TATDN1: variants seen among roughly 807,000 people sequenced by gnomAD.
The protein encoded by TATDN1 is TatD DNase domain containing 1, also known as deoxyribonuclease TATDN1.
In TATDN1, 40 loss-of-function variants were observed where a neutral mutation model predicts 46.4. That is an observed-to-expected ratio of 0.86 (90% confidence interval 0.67 to 1.12). TATDN1 has a LOEUF of 1.12. Among genes scored for constraint, TATDN1 ranks in the 50% most tolerant of loss-of-function variants. The probability of loss-of-function intolerance (pLI) is 0.00; values close to 1 mark genes in which losing one functional copy is unlikely to be tolerated. For missense variants in TATDN1, 326 were observed against 348.4 expected (o/e 0.94, Z 0.51); for synonymous variants, 95 against 105.6 (o/e 0.90, Z 0.62).
intron 6 of TATDN1, among the ~76,000 whole-genome samples, chr8:124,514,481 T>A (rs1344384424): frequency 6.6e-6 from 1 of 152,190 alleles, no homozygotes; most frequent in Non-Finnish European, 1.5e-5. Context: ...AGAGGATTGT[T>A]TATTCTTAAA....
At chr8:124,532,010 A>G (rs1316377236) in intron 1 of TATDN1, among the ~76,000 whole-genome samples, 1 of 151,894 alleles carries the variant, frequency 6.6e-6, no homozygotes, top group Non-Finnish European at 1.5e-5. Flanking sequence ...AGACTCCAAG[A>G]CTGTCTTTTG....
chr8:124,519,274 T>A (rs1819826957), intron 3 of TATDN1, among the ~76,000 whole-genome samples: 1 of 152,178 alleles, frequency 6.6e-6, no homozygotes, highest in African/African-American at 2.4e-5. Flanking sequence ...TAACTCCCAG[T>A]AGGTATGTGA....
At chr8:124,507,545 G>GT (rs1445248000) in intron 8 of TATDN1, among the ~76,000 whole-genome samples, 13 of 152,164 alleles carry the variant, frequency 8.5e-5, no homozygotes, top group African/African-American at 2.7e-4. Context: ...ACTTTGGGAA[G>GT]CCAGGGTGGG....
At chr8:124,503,581 T>C (rs1818159012) in intron 9 of TATDN1, among the ~76,000 whole-genome samples, 1 of 152,194 alleles carries the variant, frequency 6.6e-6, no homozygotes, top group Non-Finnish European at 1.5e-5. Flanking sequence ...ATTGGAAACA[T>C]AATAATTTTA....
intron 11 of TATDN1, among the ~76,000 whole-genome samples, chr8:124,490,879 T>C (rs1157748077): frequency 6.6e-6 from 1 of 151,994 alleles, no homozygotes. Flanking sequence ...GCCTCTCAGA[T>C]TCAAGTGATT....
chr8:124,504,463 G>C, intron 8 of TATDN1, 116 bp from the exon 9 acceptor site: 1 of 516,798 alleles, frequency 1.9e-6, no homozygotes, highest in South Asian at 5.7e-5. Context: ...TTGGACCTCA[G>C]GGTTTCAAAG....
intron 9 of TATDN1, among the ~76,000 whole-genome samples, chr8:124,497,872 T>C (rs1313055809): frequency 1.3e-5 from 2 of 152,082 alleles, no homozygotes; most frequent in African/African-American, 4.8e-5. Flanking sequence ...CTCAAATATA[T>C]GTAGTTTGTA....
At chr8:124,523,046 T>G (rs1454295434) in intron 1 of TATDN1, 44 bp from the exon 2 acceptor site, 1 of 1,534,488 alleles carries the variant, frequency 6.5e-7, no homozygotes, top group South Asian at 1.1e-5. Flanking sequence ...AGTCTCTACA[T>G]GAAACTTGTA....
At chr8:124,518,956 C>T in intron 3 of TATDN1, 75 bp from the exon 4 acceptor site, 2 of 930,220 alleles carry the variant, frequency 2.2e-6, no homozygotes, top group Non-Finnish European at 3.5e-6. Context: ...TGCCTTCCTA[C>T]CACTTCCTTA....
At chr8:124,507,864 G>C (rs573191973) in intron 8 of TATDN1, among the ~76,000 whole-genome samples, 5 of 151,276 alleles carry the variant, frequency 3.3e-5, no homozygotes, top group Admixed American at 1.3e-4. Context: ...AATTCTGTAC[G>C]CATTCTTGTA....
intron 1 of TATDN1, chr8:124,538,581 A>G (rs1279874482): frequency 9.1e-6 from 2 of 219,482 alleles, no homozygotes; most frequent in Non-Finnish European, 1.9e-5. Flanking sequence ...GGCCAGTGCC[A>G]GGCCCACTTG....
intron 8 of TATDN1, among the ~76,000 whole-genome samples, chr8:124,507,732 T>C (rs1056576371): frequency 1.3e-5 from 2 of 151,430 alleles, no homozygotes; most frequent in African/African-American, 4.9e-5. Context: ...GAGCTGAGAT[T>C]GTGCCACTGC....
intron 3 of TATDN1, among the ~76,000 whole-genome samples, chr8:124,519,440 AG>A (rs1279913541): frequency 2.0e-5 from 3 of 152,258 alleles, no homozygotes; most frequent in African/African-American, 7.2e-5. Context: ...GCAGGCTTCT[AG>A]TAACACAGTC....
chr8:124,534,041 G>C (rs921790134), intron 1 of TATDN1, among the ~76,000 whole-genome samples: 54 of 150,786 alleles, frequency 3.6e-4, no homozygotes, highest in African/African-American at 1.2e-3. Context: ...AGCTACTCGG[G>C]AGGCTGAGGC....
At chr8:124,516,649 T>C (rs998807285) in intron 4 of TATDN1, among the ~76,000 whole-genome samples, 3 of 150,266 alleles carry the variant, frequency 2.0e-5, no homozygotes, top group African/African-American at 7.4e-5. Context: ...GTGACTATCT[T>C]GATTGGTATA....
chr8:124,524,870 A>AG (rs918495453), intron 1 of TATDN1, among the ~76,000 whole-genome samples: 21 of 152,282 alleles, frequency 1.4e-4, no homozygotes, highest in Admixed American at 1.2e-3. Flanking sequence ...AAGGCAGGCC[A>AG]GAGTGTCAGG....
In TATDN1 at chr8:124,504,358, A is replaced by G; in HGVS notation, c.517-11T>C. 1 of 1,562,550 alleles carries G rather than the reference A, an allele frequency of 6.4e-7. No homozygotes were observed. Among genetic ancestry groups the G allele is most frequent in the Non-Finnish European group, 8.7e-7 (1 of 1,149,626 alleles). On this transcript the variant is annotated splice_polypyrimidine_tract_variant and intron_variant, in intron 8 of 11. Coordinates refer to ENST00000276692, the MANE Select transcript of TATDN1 (RefSeq NM_032026.4). The stretch of plus-strand genomic sequence containing the variant: ...ATCAAATGAATGCACCTGGGGACAT[A>G]CAGGTATAAGTTTATTATTATAATA...
At chr8:124,495,750 A>G (rs1398058578) in intron 9 of TATDN1, among the ~76,000 whole-genome samples, 1 of 152,138 alleles carries the variant, frequency 6.6e-6, no homozygotes, top group African/African-American at 2.4e-5. Flanking sequence ...CGGGGATGCA[A>G]TTTTCCATGC....
intron 8 of TATDN1, among the ~76,000 whole-genome samples, chr8:124,506,159 AC>A (rs1454804438): frequency 6.6e-6 from 1 of 151,538 alleles, no homozygotes; most frequent in Non-Finnish European, 1.5e-5. Context: ...ACATGATGAA[AC>A]CCTGTCTCTA....
Sources: gnomAD v4.1 joint callset for allele counts (sites outside exome capture counted in the v4.1 genomes callset) on GRCh38, gnomAD v4.1.1 for gene constraint, MANE v1.5 for transcripts, NCBI Gene and HGNC (gene_info 2026-07-23, HGNC 2026-07-21) for gene names.